AGPS: variants seen among roughly 807,000 people sequenced by gnomAD.
AGPS encodes the protein alkylglycerone phosphate synthase.
In AGPS, 26 loss-of-function variants were observed where a neutral mutation model predicts 90.7. The ratio of observed to expected loss-of-function variants is 0.29; its 90% confidence interval spans 0.21 to 0.40. The LOEUF (loss-of-function observed/expected upper bound fraction) is 0.40, where lower values mean the gene tolerates loss of function less well. Ranked by LOEUF, AGPS falls within the 10% of genes least tolerant of loss-of-function variation. The pLI is 1.00. For missense variants in AGPS, 540 were observed against 816.1 expected, an observed-to-expected ratio of 0.66 and a Z score of 4.12; for synonymous variants, 294 against 285.3, an observed-to-expected ratio of 1.03 and a Z score of -0.31.
chr2:177,472,702 C>T (rs2105681545), intron 10 of AGPS, among the ~76,000 whole-genome samples: 1 of 152,220 alleles, frequency 6.6e-6, no homozygotes, highest in African/African-American at 2.4e-5. Context: ...CTCTGCTATG[C>T]TATTTGTTTA....
intron 14 of AGPS, among the ~76,000 whole-genome samples, chr2:177,502,354 A>G (rs142594545): frequency 1.3e-5 from 2 of 150,482 alleles, no homozygotes; most frequent in African/African-American, 4.9e-5. Flanking sequence ...TTCTATTTTA[A>G]ACAACCCAGA....
intron 17 of AGPS, among the ~76,000 whole-genome samples, chr2:177,514,158 G>A (rs1688959484): frequency 6.6e-6 from 1 of 152,098 alleles, no homozygotes; most frequent in South Asian, 2.1e-4. Flanking sequence ...TGGCAGTGAA[G>A]AGCCAGGTGT....
chr2:177,495,219 C>T (rs1251142561), intron 12 of AGPS, among the ~76,000 whole-genome samples: 2 of 152,106 alleles, frequency 1.3e-5, no homozygotes, highest in Non-Finnish European at 2.9e-5. Context: ...GCACTTATCA[C>T]GTAATAGGCA....
In AGPS at chr2:177,464,514, T is replaced by A. The variant is rs1191118745; in HGVS notation, c.996+2496T>A. ...AGATAGTTGTTTAGTCCAAATTTTT[T>A]AAAAATTTAAAAGTTTTAACATCTG... On this transcript the variant is annotated intron_variant, in intron 9 of 19. Coordinates refer to ENST00000264167, the MANE Select transcript of AGPS (RefSeq NM_003659.4). 2.0e-5 allele frequency among the ~76,000 whole-genome samples: 3 copies of A among 152,370 alleles called. No individual in the cohort carries two copies. The East Asian group carries it at 5.8e-4, about 29-fold the overall frequency.
At chr2:177,487,790 G>T (rs1240997498) in intron 11 of AGPS, among the ~76,000 whole-genome samples, 1 of 152,004 alleles carries the variant, frequency 6.6e-6, no homozygotes. Flanking sequence ...GCAAAATTAA[G>T]ACAGTTATGA....
At chr2:177,398,532 C>T (rs1685246761) in intron 1 of AGPS, among the ~76,000 whole-genome samples, 1 of 152,184 alleles carries the variant, frequency 6.6e-6, no homozygotes, top group Non-Finnish European at 1.5e-5. Flanking sequence ...GCTCCAGAGT[C>T]CATATTCTTT....
intron 11 of AGPS, among the ~76,000 whole-genome samples, chr2:177,486,183 A>G (rs1394637284): frequency 1.3e-5 from 2 of 152,224 alleles, no homozygotes; most frequent in African/African-American, 4.8e-5. Flanking sequence ...ATTGCTCTTA[A>G]TAATGGAGCA....
chr2:177,409,652 T>C (rs866322307), intron 1 of AGPS, among the ~76,000 whole-genome samples: 6 of 152,222 alleles, frequency 3.9e-5, no homozygotes, highest in Middle Eastern at 3.4e-3. Context: ...TCCTGCTGAA[T>C]TGGGGGCATA....
intron 1 of AGPS, among the ~76,000 whole-genome samples, chr2:177,405,203 T>C (rs1018133056): frequency 6.6e-6 from 1 of 152,260 alleles, no homozygotes; most frequent in Non-Finnish European, 1.5e-5. Context: ...CTTCAGGAAT[T>C]CAGCCAATAG....
chr2:177,450,856 A>G (rs1386809488), intron 8 of AGPS, among the ~76,000 whole-genome samples: 3 of 127,352 alleles, frequency 2.4e-5, no homozygotes, highest in Non-Finnish European at 5.3e-5. Context: ...ACAGCTTAAC[A>G]GTTTTGATTC....
At chr2:177,470,873 A>G (rs1559061293) in intron 10 of AGPS, among the ~76,000 whole-genome samples, 1 of 152,182 alleles carries the variant, frequency 6.6e-6, no homozygotes, top group Non-Finnish European at 1.5e-5. Flanking sequence ...TCCTGATTCT[A>G]CTACTTATAT....
intron 10 of AGPS, among the ~76,000 whole-genome samples, chr2:177,479,521 A>G (rs528027884): frequency 2.0e-5 from 3 of 152,362 alleles, no homozygotes; most frequent in South Asian, 4.1e-4. Context: ...AGAATCCCAT[A>G]TGTTCATCAA....
chr2:177,514,109 C>A (rs1574025036), intron 17 of AGPS, among the ~76,000 whole-genome samples: 1 of 152,044 alleles, frequency 6.6e-6, no homozygotes, highest in Non-Finnish European at 1.5e-5. Context: ...GAGTAGGACA[C>A]CCTTCTGTGA....
intron 1 of AGPS, among the ~76,000 whole-genome samples, chr2:177,396,320 C>T (rs1420748774): frequency 3.3e-5 from 5 of 152,126 alleles, no homozygotes; most frequent in Admixed American, 1.3e-4. Context: ...TCAGTCCATT[C>T]GTTCATGCAT....
At chr2:177,421,982 A>G (rs1412346366) in intron 2 of AGPS, among the ~76,000 whole-genome samples, 1 of 152,008 alleles carries the variant, frequency 6.6e-6, no homozygotes, top group Non-Finnish European at 1.5e-5. Flanking sequence ...GTAATGGTTT[A>G]TATGAGAAGG....
intron 8 of AGPS, among the ~76,000 whole-genome samples, chr2:177,460,458 A>G (rs1005034981): frequency 2.6e-5 from 4 of 152,346 alleles, no homozygotes; most frequent in Non-Finnish European, 5.9e-5. Flanking sequence ...GAATTAACAC[A>G]CTTAAAAAAT....
At chr2:177,434,574 G>A (rs932082324) in intron 3 of AGPS, among the ~76,000 whole-genome samples, 157 bp downstream of exon 3, 3 of 152,124 alleles carry the variant, frequency 2.0e-5, no homozygotes, top group Non-Finnish European at 2.9e-5. Flanking sequence ...TAGACTGTTA[G>A]CGGCAGTTAT....
chr2:177,445,744 A>G, intron 8 of AGPS, 118 bp downstream of exon 8: 1 of 670,190 alleles, frequency 1.5e-6, no homozygotes, highest in Non-Finnish European at 2.5e-6. Flanking sequence ...AATACCTTTT[A>G]TGATACATTC....
At position 177,403,924 on chromosome 2, in the gene AGPS, C is replaced by A. The variant is rs150180540; in HGVS notation, c.260+10875C>A. On this transcript the variant is annotated intron_variant, in intron 1 of 19. Transcript: ENST00000264167. ...AGAGAATGCTGTGGTAAGCTTTTTA[C>A]AATTAAATCCTTAATAATTTCCTTA... Among the ~76,000 whole-genome samples the A allele has an allele frequency of 3.1e-3, 472 of 152,256 alleles. 3 individuals carry two copies. Among genetic ancestry groups the A allele is most frequent in the African/African-American group, 0.011 (456 of 41,544 alleles).
Sources: gnomAD v4.1 joint callset for allele counts (sites outside exome capture counted in the v4.1 genomes callset) on GRCh38, gnomAD v4.1.1 for gene constraint, MANE v1.5 for transcripts, NCBI Gene and HGNC (gene_info 2026-07-23, HGNC 2026-07-21) for gene names.